The following ZMAT4 variants were observed in gnomAD, a reference collection of about 807,000 sequenced individuals.
The protein encoded by ZMAT4 is zinc finger matrin-type protein 4.
Under a neutral mutation model 28.7 loss-of-function variants are expected in ZMAT4, and 17 were observed. The ratio of observed to expected loss-of-function variants is 0.59; its 90% CI spans 0.41 to 0.89. The LOEUF (loss-of-function observed/expected upper bound fraction) is 0.89, where lower values mean the gene tolerates loss of function less well. Among genes scored for constraint, ZMAT4 ranks in the 40% least tolerant of loss-of-function variants. ZMAT4 has a pLI of 0.00. For synonymous variants in ZMAT4, 117 were observed against 109.2 expected, an observed-to-expected ratio of 1.07 and a Z score of -0.44; for missense variants, 240 against 283.8, an observed-to-expected ratio of 0.85 and a Z score of 1.11.
intron 5 of ZMAT4, among the ~76,000 whole-genome samples, chr8:40,635,943 T>TG (rs371030503): frequency 2.0e-5 from 3 of 152,210 alleles, no homozygotes; most frequent in African/African-American, 7.2e-5. Flanking sequence ...TGGAACAGTT[T>TG]GGGGGCCTCT....
chr8:40,717,067 C>T (rs1398892946), intron 3 of ZMAT4, among the ~76,000 whole-genome samples: 1 of 152,228 alleles, frequency 6.6e-6, no homozygotes, highest in Non-Finnish European at 1.5e-5. Context: ...AGAGCTGAAA[C>T]ATGTTGTATC....
rs183225501 is a variant in ZMAT4, at chr8:40,681,207, G to T, written c.350-6276C>A. ...CAGCCCCATATTTCAATGTCAACTC[G>T]TTTCCAATAATGCCTACAGAGCAAT... On this transcript the variant is annotated intron_variant, in intron 4 of 6. Coordinates refer to ENST00000297737, the MANE Select transcript of ZMAT4 (RefSeq NM_024645.3). Among the ~76,000 whole-genome samples the T allele has an allele frequency of 2.6e-4, 39 of 152,232 alleles. 1 individual carries two copies. The highest frequency in any genetic ancestry group is 2.6e-3 in the Admixed American group (39 of 15,284).
intron 2 of ZMAT4, among the ~76,000 whole-genome samples, chr8:40,817,628 G>C (rs1301971654): frequency 6.6e-6 from 1 of 152,180 alleles, no homozygotes; most frequent in Admixed American, 6.5e-5. Flanking sequence ...CCATTGAAAA[G>C]TGTAGGGGAA....
intron 1 of ZMAT4, among the ~76,000 whole-genome samples, chr8:40,881,804 T>A (rs1238786619): frequency 6.6e-6 from 1 of 151,946 alleles, no homozygotes; most frequent in African/African-American, 2.4e-5. Context: ...CATACAGAGA[T>A]GGGAATAGCT....
At chr8:40,643,777 T>C (rs1375667186) in intron 5 of ZMAT4, among the ~76,000 whole-genome samples, 2 of 81,000 alleles carry the variant, frequency 2.5e-5, no homozygotes, top group Non-Finnish European at 5.9e-5. Flanking sequence ...CGTCTGTGTG[T>C]TTGTGTGTGT....
Position 40,581,235 on chromosome 8 carries a change from T to C in ZMAT4, c.604A>G (p.Ile202Val). The C allele has an allele frequency of 6.2e-7, 1 of 1,613,468 alleles. No individual in the cohort carries two copies. Among genetic ancestry groups the C allele is most frequent in the Non-Finnish European group, 8.5e-7 (1 of 1,179,544 alleles). Residue 202 changes from isoleucine to valine, a missense_variant, in exon 6 of 7, where the codon ATC becomes GTC. Coordinates refer to ENST00000297737, the MANE Select transcript of ZMAT4 (RefSeq NM_024645.3). Reference sequence around the variant, plus strand: ...ATTGAGTTTAGGGAGACACTGCAGATGGTACATCTGTAATTGCGCCTCAGA... The same window carrying C: ...ATTGAGTTTAGGGAGACACTGCAGACGGTACATCTGTAATTGCGCCTCAGA... ...RGLRRNYRCTICSVSLNSIEQ... is the reference protein window; with the variant it reads ...RGLRRNYRCTVCSVSLNSIEQ...
chr8:40,643,273 A>G (rs2599657), intron 5 of ZMAT4, among the ~76,000 whole-genome samples: 84,260 of 151,970 alleles, frequency 0.55, 24,243 homozygotes, highest in East Asian at 0.69. Flanking sequence ...ATGCCTAACT[A>G]TGAGTAACCA....
chr8:40,805,133 G>A (rs1324476638), intron 2 of ZMAT4, among the ~76,000 whole-genome samples: 1 of 152,070 alleles, frequency 6.6e-6, no homozygotes, highest in African/African-American at 2.4e-5. Context: ...CAAAAAGTGG[G>A]CGAAGGACAT....
intron 1 of ZMAT4, 23 bp from the exon 2 acceptor site, chr8:40,825,703 G>A (rs1374841867): frequency 1.3e-6 from 2 of 1,526,076 alleles, no homozygotes; most frequent in Admixed American, 2.0e-5. Flanking sequence ...CAACAGAAAA[G>A]AAAAATGAGT....
At position 40,625,011 on chromosome 8, in the gene ZMAT4, C is replaced by T. The variant is rs554322525; in HGVS notation, c.578-43750G>A. ...AAGGTGATGTGGTAAAAGGAGGGGGCAGTGCTCCTTATCCAGAGTGTTGAG... is the reference window on the plus strand; with the variant it reads ...AAGGTGATGTGGTAAAAGGAGGGGGTAGTGCTCCTTATCCAGAGTGTTGAG... On this transcript the variant is annotated intron_variant, in intron 5 of 6. Coordinates refer to ENST00000297737, the MANE Select transcript of ZMAT4 (RefSeq NM_024645.3). 9.9e-5 allele frequency among the ~76,000 whole-genome samples: 15 copies of T among 152,234 alleles called. No homozygotes were observed. The South Asian group carries it at 1.2e-3, about 13-fold the overall frequency.
intron 5 of ZMAT4, among the ~76,000 whole-genome samples, chr8:40,621,566 C>T (rs948504352): frequency 3.3e-5 from 5 of 152,132 alleles, no homozygotes; most frequent in African/African-American, 1.2e-4. Flanking sequence ...GAATTTCAAG[C>T]GCAAGGTTAG....
chr8:40,749,705 T>C (rs1351974859), intron 3 of ZMAT4, among the ~76,000 whole-genome samples: 2 of 152,194 alleles, frequency 1.3e-5, no homozygotes, highest in African/African-American at 4.8e-5. Flanking sequence ...CATGAAATGG[T>C]TGAGGCAGGA....
intron 2 of ZMAT4, among the ~76,000 whole-genome samples, chr8:40,779,682 C>A (rs1813750865): frequency 6.6e-6 from 1 of 152,084 alleles, no homozygotes; most frequent in Non-Finnish European, 1.5e-5. Flanking sequence ...TTCACCAGCT[C>A]CCCCAGTGCT....
rs542018017 is a variant in ZMAT4, at chr8:40,669,446, A to C, written c.577+5258T>G. ...CATAAAGTTACACCGAGAGTGCCTG[A>C]CTGTCTGCCTCTCCTTCCACCTTTT... is the stretch of plus-strand genomic sequence containing the variant. On this transcript the variant is annotated intron_variant, in intron 5 of 6. Transcript: ENST00000297737. 6.6e-5 allele frequency among the ~76,000 whole-genome samples: 10 copies of C among 151,940 alleles called. No homozygotes were observed. In the East Asian group the frequency reaches 1.2e-3, roughly 18 times the overall value.
intron 5 of ZMAT4, among the ~76,000 whole-genome samples, chr8:40,661,708 T>C (rs6474264): frequency 0.16 from 24,854 of 152,208 alleles, 2,152 homozygotes; most frequent in African/African-American, 0.23. Context: ...GTCAAATGAA[T>C]GTGGGCCACA....
intron 5 of ZMAT4, among the ~76,000 whole-genome samples, chr8:40,593,277 C>T (rs556832554): frequency 6.6e-6 from 1 of 152,204 alleles, no homozygotes; most frequent in African/African-American, 2.4e-5. Context: ...GGGCTTCTAA[C>T]ATGGATTTGT....
intron 6 of ZMAT4, among the ~76,000 whole-genome samples, chr8:40,541,958 A>G (rs1585661058): frequency 6.6e-6 from 1 of 152,210 alleles, no homozygotes; most frequent in African/African-American, 2.4e-5. Flanking sequence ...GCAGGAGTGG[A>G]AAGTTACTCT....
chr8:40,537,635 G>A (rs1169685946), intron 6 of ZMAT4, among the ~76,000 whole-genome samples: 1 of 152,184 alleles, frequency 6.6e-6, no homozygotes, highest in African/African-American at 2.4e-5. Context: ...ATTCCCTTAA[G>A]AAGGCAAATA....
chr8:40,661,769 A>AC (rs1222739454), intron 5 of ZMAT4, among the ~76,000 whole-genome samples: 1 of 152,106 alleles, frequency 6.6e-6, no homozygotes, highest in Non-Finnish European at 1.5e-5. Context: ...TCTTCCTAGA[A>AC]CCTTATGAAA....
Sources: allele counts gnomAD v4.1 joint callset (sites outside exome capture counted in the v4.1 genomes callset), GRCh38; gene constraint gnomAD v4.1.1; transcripts MANE v1.5; gene names NCBI Gene and HGNC (gene_info 2026-07-23, HGNC 2026-07-21).